CDKAL1: variants seen among roughly 807,000 people sequenced by gnomAD.
The protein encoded by CDKAL1 is threonylcarbamoyladenosine tRNA methylthiotransferase.
Under a neutral mutation model 68.2 loss-of-function variants are expected in CDKAL1, and 32 were observed. The ratio of observed to expected loss-of-function variants is 0.47; its 90% CI spans 0.35 to 0.63. The LOEUF is 0.63. Among genes scored for constraint, CDKAL1 ranks in the 30% least tolerant of loss-of-function variants. The pLI is 0.00. For synonymous variants in CDKAL1, 234 were observed against 244.3 expected, an observed-to-expected ratio of 0.96 and a Z score of 0.39; for missense variants, 606 against 696.7, an observed-to-expected ratio of 0.87 and a Z score of 1.47.
In CDKAL1 at chr6:20,643,928, G is replaced by A. The variant is rs148439093; in HGVS notation, c.287-5365G>A. Among the ~76,000 whole-genome samples the A allele has an allele frequency of 7.3e-3, 1,109 of 152,044 alleles. 15 individuals carry two copies. The highest frequency in any genetic ancestry group is 0.025 in the African/African-American group (1,021 of 41,474). On this transcript the variant is annotated intron_variant, in intron 4 of 15. Transcript: ENST00000274695. ...CAACCTCTGCCTCCTGGGATCAAGC[G>A]AATTTCCTGTCTCAGCCTCCTGAGT...
rs907509704 is a variant in CDKAL1, at chr6:21,069,934, C to T, written c.1236+4706C>T. 3.0e-4 allele frequency among the ~76,000 whole-genome samples: 45 copies of T among 151,784 alleles called. 2 individuals are homozygous for T. The highest frequency in any genetic ancestry group is 9.9e-4 in the African/African-American group (41 of 41,454). On this transcript the variant is annotated intron_variant, in intron 12 of 15. Coordinates refer to ENST00000274695, the MANE Select transcript of CDKAL1 (RefSeq NM_017774.3). ...CCTCCCAAATAGCTGGGACTACAGGCGCCCGCCACCACGCCCGGCTAATTT... is the reference window on the plus strand; with the variant it reads ...CCTCCCAAATAGCTGGGACTACAGGTGCCCGCCACCACGCCCGGCTAATTT...
intron 5 of CDKAL1, among the ~76,000 whole-genome samples, chr6:20,684,653 CCTGTTG>C (rs1770536075): frequency 6.6e-6 from 1 of 152,174 alleles, no homozygotes; most frequent in African/African-American, 2.4e-5. Context: ...AATGAGAGTT[CCTGTTG>C]CTCCGCATCC....
intron 12 of CDKAL1, among the ~76,000 whole-genome samples, chr6:21,097,815 T>C (rs1465762878): frequency 6.6e-6 from 1 of 152,250 alleles, no homozygotes; most frequent in African/African-American, 2.4e-5. Context: ...TGTTTCAAAT[T>C]CTGGAATTTT....
chr6:20,913,738 T>G (rs916800829), intron 9 of CDKAL1, among the ~76,000 whole-genome samples: 4 of 152,178 alleles, frequency 2.6e-5, no homozygotes, highest in African/African-American at 9.7e-5. Context: ...CTCAGTGCTT[T>G]GGGAAGCTGA....
At chr6:20,890,039 C>T (rs1361813915) in intron 9 of CDKAL1, among the ~76,000 whole-genome samples, 1 of 152,000 alleles carries the variant, frequency 6.6e-6, no homozygotes, top group Non-Finnish European at 1.5e-5. Flanking sequence ...CATGCATGAG[C>T]TACCGTGCCC....
chr6:20,839,877 A>T (rs1316229723), intron 8 of CDKAL1, among the ~76,000 whole-genome samples: 1 of 152,108 alleles, frequency 6.6e-6, no homozygotes, highest in Admixed American at 6.5e-5. Flanking sequence ...TCACCAAGAG[A>T]TTTGTGTATT....
At chr6:20,746,663 C>T (rs935190693) in intron 6 of CDKAL1, among the ~76,000 whole-genome samples, 6 of 152,138 alleles carry the variant, frequency 3.9e-5, no homozygotes, top group African/African-American at 1.4e-4. Flanking sequence ...GGGGAAACAT[C>T]TGAACATATA....
chr6:20,846,329 G>T, intron 9 of CDKAL1, 151 bp downstream of exon 9: 1 of 572,478 alleles, frequency 1.7e-6, no homozygotes, highest in Non-Finnish European at 3.1e-6. Flanking sequence ...TGTGACCAGA[G>T]TTAATCACTT....
chr6:20,788,806 C>T (rs1359349704), intron 8 of CDKAL1, among the ~76,000 whole-genome samples: 1 of 152,070 alleles, frequency 6.6e-6, no homozygotes, highest in Non-Finnish European at 1.5e-5. Flanking sequence ...TGTGAGGTTA[C>T]GACTTTATGC....
chr6:20,623,672 G>A (rs1767295173), intron 4 of CDKAL1, among the ~76,000 whole-genome samples: 2 of 152,044 alleles, frequency 1.3e-5, no homozygotes, highest in African/African-American at 4.8e-5. Context: ...ATATTTGTTG[G>A]TTCCTAAGTC....
chr6:20,651,223 A>G (rs1450377255), intron 5 of CDKAL1, among the ~76,000 whole-genome samples: 1 of 151,660 alleles, frequency 6.6e-6, no homozygotes, highest in Non-Finnish European at 1.5e-5. Flanking sequence ...TTCCTCTCTT[A>G]TTTCCTTGGG....
chr6:20,620,324 A>G (rs1767122546), intron 4 of CDKAL1, among the ~76,000 whole-genome samples: 1 of 152,214 alleles, frequency 6.6e-6, no homozygotes, highest in Non-Finnish European at 1.5e-5. Flanking sequence ...GAATGATTGA[A>G]TTTAGAATTA....
At chr6:20,906,166 T>G (rs1371734030) in intron 9 of CDKAL1, among the ~76,000 whole-genome samples, 1 of 152,154 alleles carries the variant, frequency 6.6e-6, no homozygotes, top group Non-Finnish European at 1.5e-5. Context: ...AAAGCTAGTA[T>G]TATTATAACT....
intron 4 of CDKAL1, among the ~76,000 whole-genome samples, chr6:20,598,597 A>G (rs1353416277): frequency 6.6e-6 from 1 of 152,220 alleles, no homozygotes; most frequent in African/African-American, 2.4e-5. Context: ...ATTGAGAGAT[A>G]TCTATTGTGT....
intron 10 of CDKAL1, among the ~76,000 whole-genome samples, chr6:20,966,529 A>C (rs192207293): frequency 2.2e-4 from 34 of 152,274 alleles, no homozygotes; most frequent in Non-Finnish European, 4.0e-4. Flanking sequence ...AATCAAACTG[A>C]TTGTTTAGCA....
chr6:21,212,595 G>T (rs183128305), intron 15 of CDKAL1, among the ~76,000 whole-genome samples: 1 of 152,078 alleles, frequency 6.6e-6, no homozygotes, highest in Non-Finnish European at 1.5e-5. Context: ...ATGTTGCATT[G>T]TACCTAAAAT....
chr6:20,829,514 T>C (rs962414572), intron 8 of CDKAL1, among the ~76,000 whole-genome samples: 8 of 152,188 alleles, frequency 5.3e-5, no homozygotes, highest in South Asian at 2.1e-4. Flanking sequence ...AAAACTTTCT[T>C]GGGTAGATGC....
In CDKAL1 at chr6:21,143,804, C is replaced by T. The variant is rs1034082548; in HGVS notation, c.1299+35341C>T. On this transcript the variant is annotated intron_variant, in intron 13 of 15. Transcript: ENST00000274695. Reference sequence around the variant, plus strand: ...TCTGTTTCTTCATGCCAGAATTCTCCAGACCTGTGTCTCAAGGGACCCTAG... The same window carrying T: ...TCTGTTTCTTCATGCCAGAATTCTCTAGACCTGTGTCTCAAGGGACCCTAG... 2.6e-5 allele frequency among the ~76,000 whole-genome samples: 4 copies of T among 152,258 alleles called. No homozygotes were observed. The East Asian group carries it at 7.7e-4, about 29-fold the overall frequency.
intron 7 of CDKAL1, among the ~76,000 whole-genome samples, chr6:20,777,334 C>G (rs1026570080): frequency 6.6e-6 from 1 of 152,076 alleles, no homozygotes; most frequent in African/African-American, 2.4e-5. Context: ...CAACATAGGC[C>G]AGGTGCAGTG....
Sources: allele counts gnomAD v4.1 joint callset (sites outside exome capture counted in the v4.1 genomes callset), GRCh38; gene constraint gnomAD v4.1.1; transcripts MANE v1.5; gene names NCBI Gene and HGNC (gene_info 2026-07-23, HGNC 2026-07-21).